The following KANSL1L variants were observed in gnomAD, a reference collection of about 807,000 sequenced individuals.
KANSL1L encodes KAT8 regulatory NSL complex subunit 1 like, also known as KAT8 regulatory NSL complex subunit 1-like protein.
In KANSL1L, 25 loss-of-function variants were observed where a neutral mutation model predicts 108.6. That is an observed-to-expected ratio of 0.23 (90% CI 0.17 to 0.32). The LOEUF (loss-of-function observed/expected upper bound fraction) is 0.32. Ranked by LOEUF, KANSL1L falls within the 10% of genes least tolerant of loss-of-function variation. The pLI is 1.00. For missense variants in KANSL1L, 1,137 were observed against 1,125.7 expected, an observed-to-expected ratio of 1.01 and a Z score of -0.14; for synonymous variants, 405 against 395.1, an observed-to-expected ratio of 1.03 and a Z score of -0.30.
At chr2:210,122,482 G>A (rs2095030597) in intron 3 of KANSL1L, among the ~76,000 whole-genome samples, 1 of 152,056 alleles carries the variant, frequency 6.6e-6, no homozygotes, top group Non-Finnish European at 1.5e-5. Context: ...ATATGCAGAA[G>A]AATAAAACTA....
chr2:210,039,770 T>G (rs1245112038), intron 8 of KANSL1L, among the ~76,000 whole-genome samples: 1 of 151,852 alleles, frequency 6.6e-6, no homozygotes, highest in Admixed American at 6.6e-5. Context: ...TTATTCTGAT[T>G]CATAGCATTA....
In KANSL1L at chr2:210,104,232, G is replaced by C. The variant is rs761337260; in HGVS notation, c.1300C>G (p.Gln434Glu). Residue 434 changes from glutamine (Q) to glutamate (E), a missense_variant, in exon 4 of 15, where the codon CAA (glutamine) becomes GAA (glutamate). Physicochemically the swap from Gln to Glu is conservative, Grantham distance 29. Coordinates refer to ENST00000281772, the MANE Select transcript of KANSL1L (RefSeq NM_152519.4). ...ILKKQMQFAD[Q>E]AASLNILGNP... is the part of the protein sequence containing the mutation. ...CCTAGAATGTTTAGTGAAGCTGCTT[G>C]GTCTGCAAATTGCATTTGTTTTTTC... 1 of 1,613,602 alleles carries C rather than the reference G, an allele frequency of 6.2e-7. No homozygotes were observed. The highest frequency in any genetic ancestry group is 1.3e-5 in the African/African-American group (1 of 74,906).
intron 2 of KANSL1L, chr2:210,152,107 T>C (rs1212613188): frequency 6.6e-6 from 1 of 152,076 alleles, no homozygotes; most frequent in East Asian, 1.9e-4. Context: ...TAGTTATTTT[T>C]CCTGATCCTC....
At chr2:210,051,045 C>T (rs1323317672) in intron 6 of KANSL1L, among the ~76,000 whole-genome samples, 1 of 152,150 alleles carries the variant, frequency 6.6e-6, no homozygotes, top group African/African-American at 2.4e-5. Flanking sequence ...TTCAAGTGTG[C>T]ATGGAATGTA....
chr2:210,024,309 C>A, intron 13 of KANSL1L, 108 bp from the exon 14 acceptor site: 1 of 762,370 alleles, frequency 1.3e-6, no homozygotes. Flanking sequence ...TAACTTTAAA[C>A]AGTTTTGCCC....
At chr2:210,085,700 T>C (rs2094630852) in intron 5 of KANSL1L, among the ~76,000 whole-genome samples, 2 of 151,930 alleles carry the variant, frequency 1.3e-5, no homozygotes, top group Admixed American at 6.6e-5. Flanking sequence ...TACTATAATT[T>C]TAGTGTCCGC....
At chr2:210,115,607 A>C (rs2094946281) in intron 3 of KANSL1L, among the ~76,000 whole-genome samples, 1 of 152,228 alleles carries the variant, frequency 6.6e-6, no homozygotes, top group African/African-American at 2.4e-5. Context: ...AGTTAAAACC[A>C]AAATGGCTGA....
intron 5 of KANSL1L, 136 bp from the exon 6 acceptor site, chr2:210,075,892 G>A: frequency 5.0e-5 from 30 of 601,188 alleles, no homozygotes; most frequent in South Asian, 1.2e-4. Flanking sequence ...CCAATTTTGT[G>A]GTAACAATTG....
intron 2 of KANSL1L, chr2:210,152,525 C>T (rs943030575): frequency 3.9e-5 from 6 of 152,132 alleles, no homozygotes; most frequent in Admixed American, 6.5e-5. Context: ...TATTCAATAT[C>T]GAGATACCTC....
chr2:210,082,038 A>G (rs184657146), intron 5 of KANSL1L, among the ~76,000 whole-genome samples: 159 of 152,196 alleles, frequency 1.0e-3, no homozygotes, highest in African/African-American at 3.7e-3. Flanking sequence ...GGCTCAAGTG[A>G]TGCTCCTGCC....
chr2:210,056,289 G>A (rs79364687), intron 6 of KANSL1L, among the ~76,000 whole-genome samples: 1,909 of 152,226 alleles, frequency 0.013, 42 homozygotes, highest in African/African-American at 0.043. Context: ...GCTAATTTCT[G>A]TTCCTCCATT....
At chr2:210,118,882 G>C (rs535439320) in intron 3 of KANSL1L, among the ~76,000 whole-genome samples, 46 of 151,326 alleles carry the variant, frequency 3.0e-4, no homozygotes, top group Non-Finnish European at 5.2e-4. Flanking sequence ...TTAAAGAAAA[G>C]CCCAGAGCTG....
At chr2:210,138,745 C>T (rs2095199031) in intron 2 of KANSL1L, among the ~76,000 whole-genome samples, 1 of 152,078 alleles carries the variant, frequency 6.6e-6, no homozygotes, top group East Asian at 1.9e-4. Context: ...TATACTTTTT[C>T]TATGGTGGGA....
At chr2:210,169,150 A>AAC (rs1688175099) in intron 1 of KANSL1L, among the ~76,000 whole-genome samples, 1 of 152,140 alleles carries the variant, frequency 6.6e-6, no homozygotes, top group African/African-American at 2.4e-5. Context: ...AGCCTTAAAA[A>AAC]ACACACACAC....
intron 2 of KANSL1L, among the ~76,000 whole-genome samples, chr2:210,150,993 T>G (rs1363435889): frequency 2.0e-5 from 3 of 152,024 alleles, no homozygotes; most frequent in Non-Finnish European, 2.9e-5. Context: ...AATAACATAG[T>G]TCAAAACAGT....
intron 2 of KANSL1L, among the ~76,000 whole-genome samples, chr2:210,146,243 A>C (rs2095264952): frequency 6.6e-6 from 1 of 151,136 alleles, no homozygotes. Flanking sequence ...TTGTTTGTTC[A>C]CTCCACTATG....
intron 6 of KANSL1L, among the ~76,000 whole-genome samples, chr2:210,064,817 CAAAA>C (rs1168784210): frequency 2.4e-4 from 10 of 42,236 alleles, no homozygotes; most frequent in South Asian, 8.4e-4. Flanking sequence ...CCTCCCCCAC[CAAAA>C]AAAAAAAAAA....
Position 210,041,530 on chromosome 2 carries a change from G to T in KANSL1L, c.1922-1003C>A, listed in dbSNP as rs139813396. Reference sequence around the variant, plus strand: ...GGCCCACTACATTCTCAATCTCCTGGGCGCAAGCAATCCTCCCACCTCAGC... The same window carrying T: ...GGCCCACTACATTCTCAATCTCCTGTGCGCAAGCAATCCTCCCACCTCAGC... On this transcript the variant is annotated intron_variant, in intron 7 of 14. Coordinates refer to ENST00000281772, the MANE Select transcript of KANSL1L (RefSeq NM_152519.4). 3.6e-3 allele frequency among the ~76,000 whole-genome samples: 549 copies of T among 152,222 alleles called. 1 individual carries two copies. The highest frequency in any genetic ancestry group is 0.012 in the South Asian group (59 of 4,818).
intron 6 of KANSL1L, among the ~76,000 whole-genome samples, chr2:210,066,730 G>C (rs1012840049): frequency 3.3e-5 from 5 of 152,162 alleles, no homozygotes; most frequent in African/African-American, 1.2e-4. Flanking sequence ...CATCTTTGTT[G>C]TTTTATCAGT....
Sources: allele counts gnomAD v4.1 joint callset (sites outside exome capture counted in the v4.1 genomes callset), GRCh38; gene constraint gnomAD v4.1.1; transcripts MANE v1.5; gene names NCBI Gene and HGNC (gene_info 2026-07-23, HGNC 2026-07-21).